Variants in SFPQ observed in about 807,000 individuals in gnomAD.
The protein encoded by SFPQ is splicing factor, proline- and glutamine-rich.
Under a neutral mutation model 72.9 loss-of-function variants are expected in SFPQ, and 11 were observed. The ratio of observed to expected loss-of-function variants is 0.15; its 90% confidence interval spans 0.09 to 0.25. The LOEUF (loss-of-function observed/expected upper bound fraction) is 0.25. Among genes scored for constraint, SFPQ ranks in the 10% least tolerant of loss-of-function variants. The pLI, the probability that SFPQ is intolerant of heterozygous loss-of-function variation, is 1.00. For synonymous variants in SFPQ, 506 were observed against 367.3 expected (o/e 1.38, Z -4.32); for missense variants, 847 against 993.3 (o/e 0.85, Z 1.98).
chr1:35,190,437 AAAAT>A lies in SFPQ; in HGVS notation c.1415+57_1415+60del, dbSNP rs1207950633. The A allele has an allele frequency of 1.6e-5, 19 of 1,206,404 alleles. No homozygotes were observed. The African/African-American group carries it at 2.8e-4, about 18-fold the overall frequency. The allele number at this position is 1,206,404 out of a possible 1,614,324, so 74.7% of individuals were successfully genotyped here. ...TTTTAAGCAAAATTGGAAAATCACT[AAAAT>A]AAATTTAACCTTTACACTTGATTTA... is the stretch of plus-strand genomic sequence containing the variant. On this transcript the variant is annotated intron_variant, in intron 4 of 9. Transcript: ENST00000357214.
At position 35,192,562 on chromosome 1, in the gene SFPQ, C is replaced by G; in HGVS notation, c.488G>C (p.Gly163Ala). 7.5e-7 allele frequency: 1 copy of G among 1,327,766 alleles called. No individual in the cohort carries two copies. Among genetic ancestry groups the G allele is most frequent in the Middle Eastern group, 2.8e-4 (1 of 3,620 alleles). The allele number at this position is 1,327,766 out of a possible 1,614,324, so 82.2% of individuals were successfully genotyped here. A position where few individuals can be genotyped will look rare whatever the true frequency, so the allele number is the denominator to read the frequency against. Residue 163 changes from glycine to alanine, a missense_variant, in exon 1 of 10, where the codon GGG becomes GCG. Coordinates refer to ENST00000357214, the MANE Select transcript of SFPQ (RefSeq NM_005066.3). ...GCTTGGCGGGGTGGGTGGCGGCGCCCCGGGAGGGGCCGAGGTGACTGCAGG... is the reference window on the plus strand; with the variant it reads ...GCTTGGCGGGGTGGGTGGCGGCGCCGCGGGAGGGGCCGAGGTGACTGCAGG... ...PPPAVTSAPP[G>A]APPPTPPSSG... is the part of the protein sequence containing the mutation.
intron 9 of SFPQ, among the ~76,000 whole-genome samples, chr1:35,184,955 G>A (rs1203459806): frequency 2.0e-5 from 3 of 152,136 alleles, no homozygotes; most frequent in Admixed American, 6.5e-5. Context: ...CACTTTCAAC[G>A]TCTGAACGGA....
downstream of SFPQ, chr1:35,179,035 G>A (rs1639362045): frequency 2.8e-6 from 3 of 1,059,176 alleles, no homozygotes; most frequent in East Asian, 1.6e-4. Context: ...ATTAGGAGCA[G>A]TCAAATCCTC....
chr1:35,181,026 G>C, downstream of SFPQ: 3 of 1,065,092 alleles, frequency 2.8e-6, no homozygotes, highest in Non-Finnish European at 3.4e-6. Context: ...TACCATACAA[G>C]TGTTAGGTGC....
chr1:35,187,405 A>G (rs1298891130), intron 7 of SFPQ, among the ~76,000 whole-genome samples, 154 bp from the exon 8 acceptor site: 1 of 152,232 alleles, frequency 6.6e-6, no homozygotes, highest in Admixed American at 6.5e-5. Context: ...CTGAAAACTA[A>G]GTTAGACTCA....
chr1:35,189,131 A>G (rs773082210), intron 5 of SFPQ, 44 bp from the exon 6 acceptor site: 40 of 1,613,384 alleles, frequency 2.5e-5, no homozygotes, highest in Non-Finnish European at 3.2e-5. Context: ...CAAGGTTCTA[A>G]TAAGGTGAAA....
chr1:35,187,752 A>G (rs551579908), intron 7 of SFPQ, among the ~76,000 whole-genome samples: 3 of 152,194 alleles, frequency 2.0e-5, no homozygotes, highest in East Asian at 3.9e-4. Flanking sequence ...CAAACAAACA[A>G]AAAAACAAAA....
Position 35,188,029 on chromosome 1 carries a change from C to T in SFPQ, c.1759G>A (p.Glu587Lys), listed in dbSNP as rs1233240722. The change falls in exon 7 of 10, where the codon GAA becomes AAA. Residue 587 changes from glutamate (E) to lysine (K), a missense_variant. Physicochemically the swap from Glu to Lys is moderately conservative, Grantham distance 56 (BLOSUM62 1). Around this residue, in one of 6 missense-constraint regions of SFPQ, gnomAD observed 154 missense variants for 186.0 expected, o/e 0.83. Coordinates refer to ENST00000357214, the MANE Select transcript of SFPQ (RefSeq NM_005066.3). ...TCCTCTCTTTGGCGCCTCATTTGTT[C>T]TTCCATCTCACGTTGACGAATCATC... ...EMMIRQREME[E>K]QMRRQREESY... 1 of 1,614,156 alleles carries T rather than the reference C, an allele frequency of 6.2e-7. No homozygotes were observed. The highest frequency in any genetic ancestry group is 2.2e-5 in the East Asian group (1 of 44,864).
At chr1:35,182,418 A>C, downstream of SFPQ, 2 of 985,394 alleles carry the variant, frequency 2.0e-6, no homozygotes, top group Non-Finnish European at 2.4e-6. Context: ...CTGGTGAATG[A>C]TATAATGAGC....
chr1:35,183,106 G>A lies in SFPQ; in HGVS notation c.*1350C>T. 2.0e-6 allele frequency: 2 copies of A among 996,644 alleles called. No homozygotes were observed. Among genetic ancestry groups the A allele is most frequent in the Middle Eastern group, 4.6e-4 (1 of 2,156 alleles). 61.7% of individuals were successfully genotyped at this position (996,644 alleles called of 1,614,324 possible). A position where few individuals can be genotyped will look rare whatever the true frequency, so the allele number is the denominator to read the frequency against. On this transcript the variant is annotated 3_prime_UTR_variant, in exon 10 of 10. Transcript: ENST00000357214. ...TGTTAACAATCACCACTAGCTCTTA[G>A]AAGAGAACCAATAGATTTTTATAGT...
At chr1:35,180,243 G>A, downstream of SFPQ, 1 of 1,051,548 alleles carries the variant, frequency 9.5e-7, no homozygotes, top group Non-Finnish European at 1.1e-6. Flanking sequence ...AACCAGTTCA[G>A]AGACCAAGAA....
At position 35,192,804 on chromosome 1, in the gene SFPQ, C is replaced by CGGCTGATGCGGCGGT. The variant is rs1557819635; in HGVS notation, c.245_246insACCGCCGCATCAGCC (p.Gln86_His90dup). The CGGCTGATGCGGCGGT allele has an allele frequency of 6.7e-7, 1 of 1,498,778 alleles. No homozygotes were observed. The highest frequency in any genetic ancestry group is 2.7e-5 in the East Asian group (1 of 37,568). 92.8% of individuals were successfully genotyped at this position (1,498,778 alleles called of 1,614,324 possible). A position where few individuals can be genotyped will look rare whatever the true frequency, so the allele number is the denominator to read the frequency against. On this transcript the variant is annotated inframe_insertion, in exon 1 of 10. Coordinates refer to ENST00000357214, the MANE Select transcript of SFPQ (RefSeq NM_005066.3). Reference sequence around the variant, plus strand: ...GATGCGGCGGCGGCTGATGCGGTGGCGGCTGCTGCGGCGGTGGCTGCTGCG... The same window carrying CGGCTGATGCGGCGGT: ...GATGCGGCGGCGGCTGATGCGGTGGCGGCTGATGCGGCGGTGGCTGCTGCGGCGGTGGCTGCTGCG...
In SFPQ at chr1:35,188,100, C is replaced by A; in HGVS notation, c.1698-10G>T. ...TCGTTCCTCCTCTTGCCTAGAAATA[C>A]CCATCAGGTACATAACTGAAGTGTT... is the stretch of plus-strand genomic sequence containing the variant. On this transcript the variant is annotated splice_polypyrimidine_tract_variant and intron_variant, in intron 6 of 9. Coordinates refer to ENST00000357214, the MANE Select transcript of SFPQ (RefSeq NM_005066.3). 1 of 1,571,858 alleles carries A rather than the reference C, an allele frequency of 6.4e-7. No individual in the cohort carries two copies. The highest frequency in any genetic ancestry group is 1.7e-4 in the Middle Eastern group (1 of 5,988).
At chr1:35,176,696 T>C (rs973515327) in intron 5 of SFPQ, among the ~76,000 whole-genome samples, 81 of 151,100 alleles carry the variant, frequency 5.4e-4, no homozygotes, top group Admixed American at 4.6e-3. Flanking sequence ...GGTGAAACTC[T>C]GTCTCTACTA....
chr1:35,192,910 A>C lies in SFPQ; in HGVS notation c.140T>G (p.Met47Arg), dbSNP rs774962362. The change falls in exon 1 of 10, where the codon ATG (methionine) becomes AGG (arginine). Residue 47 changes from methionine (M) to arginine (R), a missense_variant. Around this residue, in one of 6 missense-constraint regions of SFPQ, gnomAD observed 498 missense variants for 405.1 expected, o/e 1.23. Transcript: ENST00000357214. ...GCCGCTCTGGCCCGGGCCAGGACCC[A>C]TGGGGCCGCGATTCTGATTGAGGCC... ...GMGLNQNRGPMGPGPGQSGPK... is the reference protein window; with the variant it reads ...GMGLNQNRGPRGPGPGQSGPK... 6.4e-7 allele frequency: 1 copy of C among 1,572,362 alleles called. No homozygotes were observed. The highest frequency in any genetic ancestry group is 8.6e-7 in the Non-Finnish European group (1 of 1,165,974).
chr1:35,190,330 G>A (rs1174925362), intron 4 of SFPQ, among the ~76,000 whole-genome samples, 168 bp downstream of exon 4: 2 of 152,162 alleles, frequency 1.3e-5, no homozygotes, highest in Non-Finnish European at 2.9e-5. Context: ...GAAGCAAACA[G>A]CTATCTGAAT....
chr1:35,187,279 A>G, intron 7 of SFPQ, 28 bp from the exon 8 acceptor site: 6 of 1,605,604 alleles, frequency 3.7e-6, no homozygotes, highest in Non-Finnish European at 3.4e-6. Flanking sequence ...CTTTCAATAT[A>G]CCTGCACTAT....
downstream of SFPQ, chr1:35,180,346 G>A (rs923913838): frequency 2.0e-5 from 21 of 1,035,370 alleles, no homozygotes; most frequent in Admixed American, 6.8e-4. Flanking sequence ...AAACATTTTG[G>A]ACTATAACAT....
At chr1:35,177,868 G>C in intron 4 of SFPQ, 1 of 284,812 alleles carries the variant, frequency 3.5e-6, no homozygotes, top group Non-Finnish European at 5.7e-6. Context: ...AAAATAAAGG[G>C]ATATTATCTT....
Sources: gnomAD v4.1 joint callset for allele counts (sites outside exome capture counted in the v4.1 genomes callset) on GRCh38, gnomAD v4.1.1 for gene constraint, gnomAD v4.1.1 regional missense constraint, MANE v1.5 for transcripts, NCBI Gene and HGNC (gene_info 2026-07-23, HGNC 2026-07-21) for gene names.